Variants in CEP126 observed in about 807,000 individuals in gnomAD.
The protein encoded by CEP126 is centrosomal protein of 126 kDa.
A neutral mutation model predicts 107.8 loss-of-function variants in CEP126; 74 were observed. The ratio of observed to expected loss-of-function variants is 0.69; its 90% confidence interval spans 0.57 to 0.83. CEP126 has a LOEUF of 0.83. Ranked by LOEUF, CEP126 falls within the 40% of genes least tolerant of loss-of-function variation. The pLI, the probability that CEP126 is intolerant of heterozygous loss-of-function variation, is 0.00. For synonymous variants in CEP126, 449 were observed against 446.0 expected (o/e 1.01, Z -0.08); for missense variants, 1,237 against 1,281.9 (o/e 0.96, Z 0.53).
Position 101,997,901 on chromosome 11 carries a change from A to G in CEP126, c.*258A>G. On this transcript the variant is annotated 3_prime_UTR_variant, in exon 11 of 11. Transcript: ENST00000263468. ...AAAAGCAGGACATAACCTAGCTCTG[A>G]ATACATGCCACAAGGATGAAGCTTG... 2.5e-6 allele frequency: 1 copy of G among 397,354 alleles called. No homozygotes were observed. The highest frequency in any genetic ancestry group is 4.5e-6 in the Non-Finnish European group (1 of 220,564). 24.6% of individuals were successfully genotyped at this position (397,354 alleles called of 1,614,324 possible).
chr11:101,972,108 C>CA (rs999654764), intron 6 of CEP126, among the ~76,000 whole-genome samples: 2 of 149,700 alleles, frequency 1.3e-5, no homozygotes, highest in African/African-American at 2.5e-5. Flanking sequence ...ACCCAGTCTC[C>CA]AAAAAAAATG....
chr11:101,963,885 G>A lies in CEP126; in HGVS notation c.2845+5G>A. ...ATCAAAATAAGAGGGCTACAGGTAAGAATAAATTTATAGCTTTTTATAGAT... is the reference window on the plus strand; with the variant it reads ...ATCAAAATAAGAGGGCTACAGGTAAAAATAAATTTATAGCTTTTTATAGAT... On this transcript the variant is annotated splice_donor_5th_base_variant and intron_variant, in intron 6 of 10. Coordinates refer to ENST00000263468, the MANE Select transcript of CEP126 (RefSeq NM_020802.4). 6.4e-7 allele frequency: 1 copy of A among 1,555,490 alleles called. No individual in the cohort carries two copies. The highest frequency in any genetic ancestry group is 2.2e-5 in the East Asian group (1 of 44,606).
chr11:101,934,376 C>T (rs779693670), intron 2 of CEP126, among the ~76,000 whole-genome samples: 1 of 152,046 alleles, frequency 6.6e-6, no homozygotes, highest in Non-Finnish European at 1.5e-5. Context: ...TACTTCACCT[C>T]CAAAATCTCA....
chr11:101,963,381 G>C lies in CEP126; in HGVS notation c.2346G>C (p.Gln782His), dbSNP rs765847929. 2 of 1,614,076 alleles carry C rather than the reference G, an allele frequency of 1.2e-6. No individual in the cohort carries two copies. The highest frequency in any genetic ancestry group is 1.7e-6 in the Non-Finnish European group (2 of 1,180,018). Residue 782 changes from glutamine (Q) to histidine (H), a missense_variant, in exon 6 of 11, where the codon CAG becomes CAC. Physicochemically the swap from Gln to His is conservative, Grantham distance 24 (BLOSUM62 0). This residue lies in a region of CEP126 where 1,134 missense variants were observed against 1,150.5 expected (regional missense o/e 0.99). Transcript: ENST00000263468. ...TNRKGAVIQP[Q>H]SASKVNIFTQ... ...GAAAAGGCGCTGTCATTCAACCACA[G>C]TCTGCAAGCAAAGTCAACATATTTA...
At chr11:101,985,178 A>T (rs1941302058) in intron 8 of CEP126, among the ~76,000 whole-genome samples, 1 of 152,160 alleles carries the variant, frequency 6.6e-6, no homozygotes, top group Non-Finnish European at 1.5e-5. Context: ...TTGCTTTCTG[A>T]TGGTTCAATA....
rs1361108720 is a variant in CEP126 at position 101,922,728 on chromosome 11, T to G, written c.216T>G (p.Arg72=). The G allele has an allele frequency of 6.2e-7, 1 of 1,612,786 alleles. No individual in the cohort carries two copies. The highest frequency in any genetic ancestry group is 1.7e-4 in the Middle Eastern group (1 of 6,056). ...QQQKICRNRA[R]KYFVESNRRK... ...AAAAAATATGTCGAAATCGAGCACG[T>G]AAATATTTTGTGGAGTCAAATCGGA... Residue 72 remains arginine (R), a synonymous_variant, in exon 2 of 11, where the codon CGT becomes CGG. Coordinates refer to ENST00000263468, the MANE Select transcript of CEP126 (RefSeq NM_020802.4).
chr11:101,923,454 A>G (rs188529118), intron 2 of CEP126, among the ~76,000 whole-genome samples: 1 of 152,234 alleles, frequency 6.6e-6, no homozygotes, highest in African/African-American at 2.4e-5. Flanking sequence ...TGTTTTTGCT[A>G]CCTTGTCCAT....
intron 4 of CEP126, among the ~76,000 whole-genome samples, chr11:101,949,876 G>T (rs1458138245): frequency 6.6e-6 from 1 of 152,164 alleles, no homozygotes; most frequent in Non-Finnish European, 1.5e-5. Flanking sequence ...AAGGACGCTG[G>T]ACAGGTCCTG....
intron 4 of CEP126, chr11:101,955,727 A>G (rs563512678): frequency 4.1e-5 from 15 of 365,330 alleles, no homozygotes; most frequent in African/African-American, 3.2e-4. Context: ...CAATAAACCA[A>G]AAAAAATAAT....
intron 1 of CEP126, chr11:101,916,451 T>A (rs995491871): frequency 6.6e-6 from 1 of 152,248 alleles, no homozygotes; most frequent in Admixed American, 6.5e-5. Context: ...CTTCCATCCC[T>A]TCAGTCTTTT....
At chr11:101,949,900 A>G (rs1940787322) in intron 4 of CEP126, among the ~76,000 whole-genome samples, 1 of 152,158 alleles carries the variant, frequency 6.6e-6, no homozygotes, top group Non-Finnish European at 1.5e-5. Context: ...TCCTAGGGAG[A>G]GGAATGTAAG....
chr11:101,947,382 T>C (rs1940750910), intron 3 of CEP126, among the ~76,000 whole-genome samples: 1 of 152,066 alleles, frequency 6.6e-6, no homozygotes, highest in East Asian at 1.9e-4. Context: ...AGACAATATT[T>C]AGAGAGAGAA....
intron 6 of CEP126, among the ~76,000 whole-genome samples, chr11:101,975,731 T>A (rs1487393705): frequency 6.6e-6 from 1 of 152,160 alleles, no homozygotes; most frequent in Non-Finnish European, 1.5e-5. Flanking sequence ...GTCCTCACTG[T>A]CCTCCCACCC....
At position 101,998,010 on chromosome 11, in the gene CEP126, A is replaced by G. The variant is rs1941462869; in HGVS notation, c.*367A>G. On this transcript the variant is annotated 3_prime_UTR_variant, in exon 11 of 11. Coordinates refer to ENST00000263468, the MANE Select transcript of CEP126 (RefSeq NM_020802.4). Reference sequence around the variant, plus strand: ...GATTTCATGTTGAAATATATGTTAAATAAAATTTCTGTTTATTGAACCTCT... The same window carrying G: ...GATTTCATGTTGAAATATATGTTAAGTAAAATTTCTGTTTATTGAACCTCT... 1 of 174,210 alleles carries G rather than the reference A, an allele frequency of 5.7e-6. No homozygotes were observed. Among genetic ancestry groups the G allele is most frequent in the Non-Finnish European group, 1.2e-5 (1 of 82,360 alleles). The allele number at this position is 174,210 out of a possible 1,614,324, so 10.8% of individuals were successfully genotyped here.
chr11:101,961,137 A>C (rs1236858665), intron 5 of CEP126, among the ~76,000 whole-genome samples: 1 of 152,110 alleles, frequency 6.6e-6, no homozygotes, highest in Non-Finnish European at 1.5e-5. Context: ...TGGGGAATTT[A>C]AATAATACCA....
At chr11:101,924,017 A>G (rs1221412886) in intron 2 of CEP126, among the ~76,000 whole-genome samples, 2 of 152,198 alleles carry the variant, frequency 1.3e-5, no homozygotes, top group Non-Finnish European at 2.9e-5. Flanking sequence ...TTATTTTACA[A>G]TAATCAACTT....
At chr11:101,969,751 A>G (rs944044813) in intron 6 of CEP126, among the ~76,000 whole-genome samples, 3 of 152,246 alleles carry the variant, frequency 2.0e-5, no homozygotes, top group African/African-American at 7.2e-5. Flanking sequence ...GCATTTTTAC[A>G]GGATATTTAG....
Position 101,997,679 on chromosome 11 carries a change from A to G in CEP126, c.*36A>G, listed in dbSNP as rs750396449. The stretch of plus-strand genomic sequence containing the variant: ...ATCCGTCTAAGAAGACCTTTCATGT[A>G]CTTCCCTAGGACTAGATGCATACCG... On this transcript the variant is annotated 3_prime_UTR_variant, in exon 11 of 11. Transcript: ENST00000263468. 6.2e-7 allele frequency: 1 copy of G among 1,613,498 alleles called. No individual in the cohort carries two copies. The highest frequency in any genetic ancestry group is 8.5e-7 in the Non-Finnish European group (1 of 1,179,678).
Position 101,978,389 on chromosome 11 carries a change from G to C in CEP126, c.2888G>C (p.Arg963Pro). 6.2e-7 allele frequency: 1 copy of C among 1,613,588 alleles called. No individual in the cohort carries two copies. The highest frequency in any genetic ancestry group is 1.1e-5 in the South Asian group (1 of 91,060). Residue 963 changes from arginine (R) to proline (P), a missense_variant, in exon 7 of 11, where the codon CGG (arginine) becomes CCG (proline). This residue lies in a region of CEP126 where 1,134 missense variants were observed against 1,150.5 expected (regional missense o/e 0.99). Transcript: ENST00000263468. ...MRRKRIAETK[R>P]RNILEQKRQN... ...AGAAAACGAATTGCTGAAACTAAGC[G>C]GAGAAATATTTTAGAGCAGAAAAGA...
Sources: allele counts gnomAD v4.1 joint callset (sites outside exome capture counted in the v4.1 genomes callset), GRCh38; gene constraint gnomAD v4.1.1; regional missense constraint gnomAD v4.1.1; transcripts MANE v1.5; gene names NCBI Gene and HGNC (gene_info 2026-07-23, HGNC 2026-07-21).